Variants in LRRC36 observed in about 807,000 individuals in gnomAD.
LRRC36 encodes the protein leucine-rich repeat-containing protein 36.
In LRRC36, 62 loss-of-function variants were observed where a neutral mutation model predicts 81.1. The observed-to-expected ratio is 0.76, with a 90% CI of 0.62 to 0.94. The LOEUF (loss-of-function observed/expected upper bound fraction) is 0.94. Among genes scored for constraint, LRRC36 ranks in the 40% least tolerant of loss-of-function variants. LRRC36 has a pLI of 0.00. For missense variants in LRRC36, 761 were observed against 881.7 expected (o/e 0.86, Z 1.73); for synonymous variants, 334 against 348.6 (o/e 0.96, Z 0.47).
At chr16:67,342,479 A>C (rs1202009925) in intron 2 of LRRC36, among the ~76,000 whole-genome samples, 3 of 152,152 alleles carry the variant, frequency 2.0e-5, no homozygotes, top group Non-Finnish European at 4.4e-5. Context: ...ATGGTGGTAC[A>C]TGGAGCATAC....
intron 4 of LRRC36, 43 bp from the exon 5 acceptor site, chr16:67,350,159 T>C: frequency 1.3e-6 from 1 of 794,030 alleles, no homozygotes; most frequent in Non-Finnish European, 1.7e-6. Flanking sequence ...TCAGAAGCCT[T>C]TTTTTTTTTT....
At chr16:67,348,039 A>G (rs1394734443) in intron 4 of LRRC36, among the ~76,000 whole-genome samples, 2 of 152,232 alleles carry the variant, frequency 1.3e-5, no homozygotes, top group Non-Finnish European at 2.9e-5. Context: ...GTGAACAAAC[A>G]TTGAGGCTCT....
At chr16:67,383,586 T>C (rs2142195459) in intron 13 of LRRC36, among the ~76,000 whole-genome samples, 1 of 152,348 alleles carries the variant, frequency 6.6e-6, no homozygotes, top group East Asian at 1.9e-4. Context: ...CATTAGGATA[T>C]ATTGCTTTAG....
intron 9 of LRRC36, among the ~76,000 whole-genome samples, chr16:67,374,907 C>T (rs887457761): frequency 3.3e-5 from 5 of 151,614 alleles, no homozygotes; most frequent in African/African-American, 9.7e-5. Flanking sequence ...TGAGGCGGGA[C>T]GATCACAAGG....
chr16:67,384,913 A>G lies in LRRC36; in HGVS notation c.2089A>G (p.Lys697Glu), dbSNP rs2040239603. The G allele has an allele frequency of 6.2e-7, 1 of 1,614,144 alleles. No individual in the cohort carries two copies. The highest frequency in any genetic ancestry group is 8.5e-7 in the Non-Finnish European group (1 of 1,180,022). Reference protein sequence around the residue: ...TNEYLLQQLNKEPKGYSGKAL... With the variant: ...TNEYLLQQLNEEPKGYSGKAL... Reference sequence around the variant, plus strand: ...TGAGTATCTGCTGCAGCAGCTGAATAAGGAGCCAAAAGGTTATTCCGGGAA... The same window carrying G: ...TGAGTATCTGCTGCAGCAGCTGAATGAGGAGCCAAAAGGTTATTCCGGGAA... The change falls in exon 14 of 14, where the codon AAG becomes GAG. Residue 697 changes from lysine to glutamate, a missense_variant. Physicochemically the swap from Lys to Glu is moderately conservative, Grantham distance 56. Around this residue, in one of 3 missense-constraint regions of LRRC36, gnomAD observed 359 missense variants for 388.4 expected, o/e 0.92. Coordinates refer to ENST00000329956, the MANE Select transcript of LRRC36 (RefSeq NM_018296.6).
chr16:67,364,253 T>G (rs1423792908), intron 6 of LRRC36, among the ~76,000 whole-genome samples: 2 of 152,192 alleles, frequency 1.3e-5, no homozygotes, highest in South Asian at 4.1e-4. Context: ...AATAAGGTTT[T>G]AGTGAAAAAA....
chr16:67,375,202 T>G, intron 9 of LRRC36, 45 bp from the exon 10 acceptor site: 2 of 1,577,172 alleles, frequency 1.3e-6, no homozygotes, highest in South Asian at 1.1e-5. Flanking sequence ...TGACAAATGG[T>G]TGGGTTTTTT....
chr16:67,341,031 CATATTCTAT>C (rs1413347082), intron 1 of LRRC36, among the ~76,000 whole-genome samples: 5 of 114,736 alleles, frequency 4.4e-5, no homozygotes, highest in Non-Finnish European at 1.8e-5. Context: ...ATGTACTCTA[CATATTCTAT>C]AGAATATGTA....
rs572544253 is a variant in LRRC36 at position 67,330,630 on chromosome 16, G to C, written c.70+3698G>C. 8.9e-4 allele frequency among the ~76,000 whole-genome samples: 136 copies of C among 152,252 alleles called. 1 individual carries two copies. Among genetic ancestry groups the C allele is most frequent in the African/African-American group, 2.8e-3 (117 of 41,546 alleles). On this transcript the variant is annotated intron_variant, in intron 1 of 13. Transcript: ENST00000329956. ...TAATCCCAGCATTTTGGGAGGCCAA[G>C]GAGGATGGATCACCTGAGGTCAGGA... is the stretch of plus-strand genomic sequence containing the variant.
chr16:67,342,236 C>T, intron 2 of LRRC36, 152 bp downstream of exon 2: 1 of 509,868 alleles, frequency 2.0e-6, no homozygotes, highest in Non-Finnish European at 3.1e-6. Flanking sequence ...AAAATTCTTT[C>T]AACTTTGCAG....
intron 10 of LRRC36, among the ~76,000 whole-genome samples, chr16:67,375,913 C>A (rs934835738): frequency 2.0e-5 from 3 of 152,154 alleles, no homozygotes; most frequent in African/African-American, 7.2e-5. Context: ...TGGCTTCATG[C>A]ATTTATTTGT....
intron 1 of LRRC36, among the ~76,000 whole-genome samples, chr16:67,335,862 A>G (rs2142587083): frequency 6.6e-6 from 1 of 152,070 alleles, no homozygotes; most frequent in East Asian, 1.9e-4. Flanking sequence ...CCTCCCGAGT[A>G]GCTGGGATTA....
intron 8 of LRRC36, among the ~76,000 whole-genome samples, chr16:67,369,862 G>A (rs1362752717): frequency 2.6e-5 from 4 of 152,184 alleles, no homozygotes; most frequent in Non-Finnish European, 5.9e-5. Flanking sequence ...CCCATGTCAT[G>A]TGGGAATTAT....
Position 67,346,267 on chromosome 16 carries a change from T to C in LRRC36, c.210T>C (p.Tyr70=), listed in dbSNP as rs1218274839. ...TGTTTTCCTTGTAGGGAATCCAGTATTTATGTTCACTCCAAGACCTGAATT... is the reference window on the plus strand; with the variant it reads ...TGTTTTCCTTGTAGGGAATCCAGTACTTATGTTCACTCCAAGACCTGAATT... ...NLITSLKGIQ[Y]LCSLQDLNLY... is the part of the protein sequence containing the mutation. Residue 70 remains tyrosine (Y), a synonymous_variant, in exon 3 of 14, where the codon TAT becomes TAC. Transcript: ENST00000329956. The C allele has an allele frequency of 6.3e-7, 1 of 1,581,148 alleles. No individual in the cohort carries two copies. The highest frequency in any genetic ancestry group is 1.3e-5 in the African/African-American group (1 of 74,594).
chr16:67,373,494 G>C (rs1404765716), intron 9 of LRRC36, among the ~76,000 whole-genome samples: 1 of 151,008 alleles, frequency 6.6e-6, no homozygotes, highest in Admixed American at 6.6e-5. Context: ...ATCACCTGAA[G>C]TCAGGAGTTT....
intron 12 of LRRC36, among the ~76,000 whole-genome samples, chr16:67,380,644 C>T (rs562412972): frequency 4.6e-5 from 7 of 152,124 alleles, no homozygotes; most frequent in South Asian, 2.1e-4. Context: ...CTCACAGGCC[C>T]GAATAATCAA....
At chr16:67,329,033 C>A (rs796914649) in intron 1 of LRRC36, among the ~76,000 whole-genome samples, 25 of 152,222 alleles carry the variant, frequency 1.6e-4, no homozygotes, top group African/African-American at 5.3e-4. Flanking sequence ...CCTCAGCCTC[C>A]CAAGTAGCTG....
chr16:67,334,662 T>A (rs538106976), intron 1 of LRRC36, among the ~76,000 whole-genome samples: 3 of 152,200 alleles, frequency 2.0e-5, no homozygotes, highest in Non-Finnish European at 4.4e-5. Flanking sequence ...TTTACTAACC[T>A]AAAAATCCCC....
chr16:67,331,988 C>CAA (rs909058321), intron 1 of LRRC36, among the ~76,000 whole-genome samples: 1 of 129,122 alleles, frequency 7.7e-6, no homozygotes, highest in Admixed American at 7.8e-5. Flanking sequence ...AACTCCATCT[C>CAA]AAAAAAAAAA....
Sources: allele counts gnomAD v4.1 joint callset (sites outside exome capture counted in the v4.1 genomes callset), GRCh38; gene constraint gnomAD v4.1.1; regional missense constraint gnomAD v4.1.1; transcripts MANE v1.5; gene names NCBI Gene and HGNC (gene_info 2026-07-23, HGNC 2026-07-21).